The following PIEZO1 variants were observed in gnomAD, a reference collection of about 807,000 sequenced individuals.
The protein encoded by PIEZO1 is piezo-type mechanosensitive ion channel component 1.
A neutral mutation model predicts 297.2 loss-of-function variants in PIEZO1; 296 were observed. The ratio of observed to expected loss-of-function variants is 1.00; its 90% CI spans 0.91 to 1.10. The LOEUF (loss-of-function observed/expected upper bound fraction) is 1.10. PIEZO1 is among the 50% of genes least tolerant of loss of function. The pLI, the probability that PIEZO1 is intolerant of heterozygous loss-of-function variation, is 0.00. For missense variants in PIEZO1, 5,018 were observed against 3,455.5 expected (o/e 1.45, Z -11.34); for synonymous variants, 2,427 against 1,507.5 (o/e 1.61, Z -14.13).
Position 88,784,888 on chromosome 16 carries a change from GC to G in PIEZO1, c.64+12del. On this transcript the variant is annotated intron_variant, in intron 1 of 50. Coordinates refer to ENST00000301015, the MANE Select transcript of PIEZO1 (RefSeq NM_001142864.4). ...CCCCTCCCGTCGCCCCCAGGCGCCCGCCCCCCACTCACCAGCCAGCAGCGCG... is the reference window on the plus strand; with the variant it reads ...CCCCTCCCGTCGCCCCCAGGCGCCCGCCCCCACTCACCAGCCAGCAGCGCG... 4.9e-6 allele frequency: 7 copies of G among 1,422,804 alleles called. No homozygotes were observed. Among genetic ancestry groups the G allele is most frequent in the African/African-American group, 1.5e-5 (1 of 67,086 alleles). The allele number at this position is 1,422,804 out of a possible 1,614,324, so 88.1% of individuals were successfully genotyped here.
Position 88,716,078 on chromosome 16 carries a change from T to C in PIEZO1, c.7171A>G (p.Arg2391Gly). Residue 2391 changes from arginine (R) to glycine (G), a missense_variant, in exon 50 of 51, where the codon AGG becomes GGG. Coordinates refer to ENST00000301015, the MANE Select transcript of PIEZO1 (RefSeq NM_001142864.4). Reference sequence around the variant, plus strand: ...CCGGTGGCCCCCGCACCCTGCTCCCTCCGCAGCTGGATACGCACGCCGAGG... The same window carrying C: ...CCGGTGGCCCCCGCACCCTGCTCCCCCCGCAGCTGGATACGCACGCCGAGG... Reference protein sequence around the residue: ...DYLGVRIQLRREQGAGATGFL... With the variant: ...DYLGVRIQLRGEQGAGATGFL... The C allele has an allele frequency of 6.5e-7, 1 of 1,549,542 alleles. No individual in the cohort carries two copies. Among genetic ancestry groups the C allele is most frequent in the Non-Finnish European group, 8.7e-7 (1 of 1,146,508 alleles).
Position 88,737,565 on chromosome 16 carries a change from G to A in PIEZO1, c.1189C>T (p.Arg397Trp), listed in dbSNP as rs1187105356. 6 of 1,532,094 alleles carry A rather than the reference G, an allele frequency of 3.9e-6. No individual in the cohort carries two copies. Among genetic ancestry groups the A allele is most frequent in the East Asian group, 2.4e-5 (1 of 40,898 alleles). The allele number at this position is 1,532,094 out of a possible 1,614,324, so 94.9% of individuals were successfully genotyped here. A position where few individuals can be genotyped will look rare whatever the true frequency, so the allele number is the denominator to read the frequency against. Residue 397 changes from arginine (R) to tryptophan (W), a missense_variant, in exon 10 of 51, where the codon CGG becomes TGG. Arg to Trp is a moderately radical substitution (Grantham distance 101). Transcript: ENST00000301015. ...ELTGQSSVLR[R>W]PVRPKRAEPR... ...TGCAGTGTGCGGTACTCACCAGGCC[G>A]CCGCAGGACGGAGCTCTGGCCGGTC...
intron 1 of PIEZO1, among the ~76,000 whole-genome samples, chr16:88,759,341 G>A (rs1364681843): frequency 6.6e-6 from 1 of 152,172 alleles, no homozygotes; most frequent in Non-Finnish European, 1.5e-5. Flanking sequence ...GGCCGGGTGA[G>A]GGCAGGCGAG....
intron 1 of PIEZO1, among the ~76,000 whole-genome samples, chr16:88,782,092 G>A: frequency 6.6e-6 from 1 of 152,196 alleles, no homozygotes; most frequent in East Asian, 1.9e-4. Flanking sequence ...CATATTATCA[G>A]AATCACAAAT....
At chr16:88,740,672 C>T (rs1905582741) in intron 5 of PIEZO1, 2 of 152,302 alleles carry the variant, frequency 1.3e-5, no homozygotes, top group Non-Finnish European at 2.9e-5. Flanking sequence ...GCTTGGGGAA[C>T]CCCTTTCCCT....
chr16:88,720,792 G>C (rs1435198098), intron 39 of PIEZO1, 44 bp from the exon 40 acceptor site: 1 of 1,452,084 alleles, frequency 6.9e-7, no homozygotes, highest in African/African-American at 1.4e-5. Context: ...CTGGGGACTG[G>C]GCCTGGCTCA....
chr16:88,731,835 C>T lies in PIEZO1; in HGVS notation c.3067G>A (p.Val1023Met). 2 of 1,292,794 alleles carry T rather than the reference C, an allele frequency of 1.5e-6. No homozygotes were observed. Among genetic ancestry groups the T allele is most frequent in the Non-Finnish European group, 2.0e-6 (2 of 1,002,508 alleles). The allele number at this position is 1,292,794 out of a possible 1,614,324, so 80.1% of individuals were successfully genotyped here. A position where few individuals can be genotyped will look rare whatever the true frequency, so the allele number is the denominator to read the frequency against. ...CGGTGCCTGCGGGTGAGGATGGCCA[C>T]CAGCCAGCAACCGTGCAGGGTCACC... ...FLVTLHGCWL[V>M]AILTRRHRQA... Residue 1023 changes from valine to methionine, a missense_variant, in exon 22 of 51, where the codon GTG becomes ATG. Val to Met is a conservative substitution (Grantham distance 21). Transcript: ENST00000301015.
rs534381355 is a variant in PIEZO1 at position 88,733,476 on chromosome 16, G to A, written c.2488-22C>T. 1.6e-5 allele frequency: 24 copies of A among 1,541,284 alleles called. No homozygotes were observed. The South Asian group carries it at 2.9e-4, about 18-fold the overall frequency. ...ACACCTGAGGGCAGTGGGCACGTGG[G>A]GCTGGGCTTGGGGAGGGCAGTGGGC... is the stretch of plus-strand genomic sequence containing the variant. On this transcript the variant is annotated intron_variant, in intron 18 of 50. Coordinates refer to ENST00000301015, the MANE Select transcript of PIEZO1 (RefSeq NM_001142864.4).
At chr16:88,736,859 G>A (rs1216947919) in intron 10 of PIEZO1, 120 bp from the exon 11 acceptor site, 2 of 611,508 alleles carry the variant, frequency 3.3e-6, no homozygotes, top group Non-Finnish European at 5.6e-6. Context: ...CCCCCGGTGG[G>A]CTATGGGCAG....
intron 1 of PIEZO1, among the ~76,000 whole-genome samples, chr16:88,755,130 T>C (rs972796794): frequency 2.0e-5 from 3 of 152,208 alleles, no homozygotes; most frequent in South Asian, 2.1e-4. Context: ...CCTGTGGCAC[T>C]AGCCGAGGAC....
Position 88,738,421 on chromosome 16 carries a change from G to A in PIEZO1, c.654C>T (p.Ala218=), listed in dbSNP as rs1289177260. 6.5e-7 allele frequency: 1 copy of A among 1,535,840 alleles called. No individual in the cohort carries two copies. The highest frequency in any genetic ancestry group is 2.0e-5 in the Admixed American group (1 of 51,002). Residue 218 remains alanine, a synonymous_variant, in exon 7 of 51, where the codon GCC becomes GCT. Transcript: ENST00000301015. ...LALAGIAHPS[A]LSSVYLLLFL... is the part of the protein sequence containing the mutation. The stretch of plus-strand genomic sequence containing the variant: ...AGAGCAGCAGGTAGACACTGGAGAG[G>A]GCCGAGGGGTGGGCGATGCCTGCGG...
intron 1 of PIEZO1, among the ~76,000 whole-genome samples, chr16:88,779,815 C>T (rs1567490947): frequency 6.6e-6 from 1 of 152,208 alleles, no homozygotes; most frequent in African/African-American, 2.4e-5. Flanking sequence ...CCGACGGACC[C>T]CCGGCCACCG....
chr16:88,745,382 G>C (rs1041200641), intron 2 of PIEZO1: 1 of 152,234 alleles, frequency 6.6e-6, no homozygotes, highest in South Asian at 2.1e-4. Flanking sequence ...CTGCCGGAGG[G>C]AGCCCATGGG....
intron 1 of PIEZO1, among the ~76,000 whole-genome samples, chr16:88,769,970 G>A (rs1024148502): frequency 1.3e-5 from 2 of 152,164 alleles, no homozygotes; most frequent in African/African-American, 4.8e-5. Context: ...GGGCTCTGAG[G>A]CCCTCCTAAC....
At chr16:88,729,587 C>T (rs1393787831) in intron 22 of PIEZO1, among the ~76,000 whole-genome samples, 1 of 141,508 alleles carries the variant, frequency 7.1e-6, no homozygotes, top group Non-Finnish European at 1.5e-5. Context: ...ACAAAGTGAC[C>T]CTCGATGCTG....
intron 36 of PIEZO1, 27 bp downstream of exon 36, chr16:88,722,191 C>A: frequency 1.3e-6 from 2 of 1,538,758 alleles, no homozygotes; most frequent in Non-Finnish European, 1.7e-6. Context: ...CATGGTGAGG[C>A]TGGTGTTGTG....
At position 88,733,707 on chromosome 16, in the gene PIEZO1, C is replaced by A; in HGVS notation, c.2368G>T (p.Glu790Ter). The change falls in exon 18 of 51, where the codon GAG becomes TAG. Residue 790 changes from glutamate to a stop codon, truncating the protein, a stop_gained. Transcript: ENST00000301015. LOFTEE classifies it high-confidence loss of function. Reference protein sequence around the residue: ...KWGLVAERLLELAAGFSDVLS... With the variant: ...KWGLVAERLL The stretch of plus-strand genomic sequence containing the variant: ...ACGTCCGAGAAGCCGGCTGCCAGCT[C>A]CAGCAGCCGCTCAGCCACCAGGCCC... The A allele has an allele frequency of 6.5e-7, 1 of 1,548,598 alleles. No individual in the cohort carries two copies. The highest frequency in any genetic ancestry group is 2.4e-5 in the East Asian group (1 of 40,898).
At chr16:88,749,584 T>G in intron 1 of PIEZO1, 105 bp from the exon 2 acceptor site, 1 of 870,284 alleles carries the variant, frequency 1.1e-6, no homozygotes, top group Non-Finnish European at 1.7e-6. Flanking sequence ...CGAGGCCGTG[T>G]GCCCTGTGAG....
Position 88,719,728 on chromosome 16 carries a change from A to G in PIEZO1, c.6324-7T>C. ...GAACGGCACCAGCCGGAACCTGCCCACAGCCAGGGTTCCCGTCAGGTGGGC... is the reference window on the plus strand; with the variant it reads ...GAACGGCACCAGCCGGAACCTGCCCGCAGCCAGGGTTCCCGTCAGGTGGGC... On this transcript the variant is annotated splice_polypyrimidine_tract_variant and splice_region_variant and intron_variant, in intron 43 of 50. Transcript: ENST00000301015. The G allele has an allele frequency of 6.4e-7, 1 of 1,550,478 alleles. No individual in the cohort carries two copies. Among genetic ancestry groups the G allele is most frequent in the Non-Finnish European group, 8.7e-7 (1 of 1,146,968 alleles).
Sources: gnomAD v4.1 joint callset for allele counts (sites outside exome capture counted in the v4.1 genomes callset) on GRCh38, gnomAD v4.1.1 for gene constraint, MANE v1.5 for transcripts, NCBI Gene and HGNC (gene_info 2026-07-23, HGNC 2026-07-21) for gene names.